Variants in PODXL observed in about 807,000 individuals in gnomAD.
PODXL encodes the protein podocalyxin like, also known as podocalyxin.
A neutral mutation model predicts 48.9 loss-of-function variants in PODXL; 20 were observed. The ratio of observed to expected loss-of-function variants is 0.41; its 90% CI spans 0.29 to 0.59. PODXL has a LOEUF of 0.59. Ranked by LOEUF, PODXL falls within the 20% of genes least tolerant of loss-of-function variation. PODXL has a pLI of 0.31. For synonymous variants in PODXL, 295 were observed against 287.4 expected (o/e 1.03, Z -0.27); for missense variants, 606 against 675.1 (o/e 0.90, Z 1.13).
intron 1 of PODXL, among the ~76,000 whole-genome samples, chr7:131,539,218 C>G (rs1382220917): frequency 6.6e-6 from 1 of 152,216 alleles, no homozygotes; most frequent in East Asian, 1.9e-4. Context: ...GTGAGCTCTG[C>G]AAATGGAGAC....
chr7:131,511,655 T>C (rs986866538), intron 1 of PODXL, among the ~76,000 whole-genome samples: 1 of 152,090 alleles, frequency 6.6e-6, no homozygotes, highest in Non-Finnish European at 1.5e-5. Context: ...GGGGTCTTGC[T>C]ATATTGCCCA....
chr7:131,506,747 G>A (rs758390691), intron 5 of PODXL, 21 bp from the exon 6 acceptor site: 4 of 1,613,490 alleles, frequency 2.5e-6, no homozygotes, highest in Non-Finnish European at 3.4e-6. Flanking sequence ...GAGAGCGCAG[G>A]TGACTCCGCG....
At chr7:131,519,252 T>C (rs770329681) in intron 1 of PODXL, among the ~76,000 whole-genome samples, 21 of 152,194 alleles carry the variant, frequency 1.4e-4, no homozygotes, top group Non-Finnish European at 2.8e-4. Context: ...CCAAATCATA[T>C]AAAACCAGGC....
At chr7:131,519,538 A>G (rs1368155116) in intron 1 of PODXL, among the ~76,000 whole-genome samples, 1 of 152,172 alleles carries the variant, frequency 6.6e-6, no homozygotes, top group African/African-American at 2.4e-5. Context: ...CAAAATCAAA[A>G]ATTGTTTTTT....
chr7:131,515,879 C>T (rs933646792), intron 1 of PODXL, among the ~76,000 whole-genome samples: 1 of 152,202 alleles, frequency 6.6e-6, no homozygotes, highest in South Asian at 2.1e-4. Context: ...ATGATCCCCA[C>T]TGCTCTTTAT....
intron 1 of PODXL, among the ~76,000 whole-genome samples, chr7:131,535,429 G>C (rs748201): frequency 0.92 from 139,392 of 152,264 alleles, 64,094 homozygotes; most frequent in East Asian, 1. Flanking sequence ...GGACACCAGT[G>C]TGACTGGGGG....
intron 3 of PODXL, 56 bp from the exon 4 acceptor site, chr7:131,509,641 A>AG: frequency 8.4e-7 from 1 of 1,192,932 alleles, no homozygotes; most frequent in African/African-American, 1.5e-5. Context: ...TTGCGAGAAG[A>AG]GGACAATCTT....
chr7:131,540,985 C>T (rs554719529), intron 1 of PODXL, among the ~76,000 whole-genome samples: 51 of 152,338 alleles, frequency 3.3e-4, no homozygotes, highest in African/African-American at 1.1e-3. Context: ...GCAGCAAGTT[C>T]AGCTCTCCAA....
intron 1 of PODXL, among the ~76,000 whole-genome samples, chr7:131,541,414 G>A (rs957113264): frequency 1.3e-5 from 2 of 152,058 alleles, no homozygotes; most frequent in African/African-American, 2.4e-5. Context: ...CAGGCCAGGC[G>A]CAGTGGCTCA....
chr7:131,506,716 G>T lies in PODXL; in HGVS notation c.1112C>A (p.Ala371Asp), dbSNP rs1230132112. 24 of 1,614,142 alleles carry T rather than the reference G, an allele frequency of 1.5e-5. No individual in the cohort carries two copies. Among genetic ancestry groups the T allele is most frequent in the Non-Finnish European group, 2.0e-5 (24 of 1,180,014 alleles). ...LTGNTLCAGG[A>D]SDEKLISLIC... The stretch of plus-strand genomic sequence containing the variant: ...CAGTGAGATCAATTTCTCATCCGAA[G>T]CGCCCCCTGCCTATGGTGGGGAGAG... The change falls in exon 6 of 9, where the codon GCT becomes GAT. Residue 371 changes from alanine (A) to aspartate (D), a missense_variant. Transcript: ENST00000378555.
intron 1 of PODXL, among the ~76,000 whole-genome samples, chr7:131,534,518 G>C (rs890841347): frequency 2.0e-5 from 3 of 152,202 alleles, no homozygotes; most frequent in Non-Finnish European, 4.4e-5. Context: ...GGCCACAGGG[G>C]TGGCCGGCGG....
At chr7:131,527,202 C>T (rs1218294498) in intron 1 of PODXL, among the ~76,000 whole-genome samples, 1 of 152,086 alleles carries the variant, frequency 6.6e-6, no homozygotes, top group African/African-American at 2.4e-5. Flanking sequence ...GTACAGCTGA[C>T]AGTAGTATGG....
intron 6 of PODXL, 46 bp from the exon 7 acceptor site, chr7:131,506,367 G>T: frequency 6.3e-7 from 1 of 1,598,528 alleles, no homozygotes; most frequent in Non-Finnish European, 8.6e-7. Context: ...CCAGAGCGAG[G>T]CAGTGGGGGA....
At chr7:131,511,535 G>A (rs375162326) in intron 1 of PODXL, 102 bp from the exon 2 acceptor site, 18 of 1,233,464 alleles carry the variant, frequency 1.5e-5, no homozygotes, top group East Asian at 1.4e-4. Context: ...TCGCAGCCCT[G>A]CTGTCTGCCT....
intron 1 of PODXL, among the ~76,000 whole-genome samples, chr7:131,552,970 T>TTA (rs1404535266): frequency 1.3e-5 from 2 of 152,104 alleles, no homozygotes; most frequent in African/African-American, 4.8e-5. Flanking sequence ...TTTTGTCTTT[T>TTA]TAGTACAGTC....
chr7:131,511,500 C>CT (rs1430463611), intron 1 of PODXL, 67 bp from the exon 2 acceptor site: 1 of 1,540,076 alleles, frequency 6.5e-7, no homozygotes, highest in African/African-American at 1.4e-5. Flanking sequence ...TTCTCCAGCT[C>CT]TTCCCCAGGA....
intron 1 of PODXL, among the ~76,000 whole-genome samples, chr7:131,540,973 A>C (rs1203576625): frequency 6.6e-6 from 1 of 152,214 alleles, no homozygotes; most frequent in Non-Finnish European, 1.5e-5. Flanking sequence ...CTGAAGGTTA[A>C]GGCAGCAAGT....
At chr7:131,509,619 A>T in intron 3 of PODXL, 34 bp from the exon 4 acceptor site, 2 of 1,397,672 alleles carry the variant, frequency 1.4e-6, no homozygotes, top group Non-Finnish European at 9.8e-7. Flanking sequence ...ATGAGAAAAG[A>T]TGAGTGCACC....
intron 1 of PODXL, among the ~76,000 whole-genome samples, chr7:131,551,146 G>A (rs556135804): frequency 6.6e-6 from 1 of 152,334 alleles, no homozygotes; most frequent in South Asian, 2.1e-4. Context: ...TTCTTATAGA[G>A]AATGCCCCCG....
Sources: gnomAD v4.1 joint callset for allele counts (sites outside exome capture counted in the v4.1 genomes callset) on GRCh38, gnomAD v4.1.1 for gene constraint, MANE v1.5 for transcripts, NCBI Gene and HGNC (gene_info 2026-07-23, HGNC 2026-07-21) for gene names.